FAT1: variants seen among roughly 807,000 people sequenced by gnomAD.
FAT1 encodes FAT atypical cadherin 1, also known as protocadherin Fat 1.
FAT1 carries 171 observed loss-of-function variants against 329.8 expected under a neutral mutation model. The observed-to-expected ratio is 0.52, with a 90% CI of 0.46 to 0.59. The LOEUF (loss-of-function observed/expected upper bound fraction) is 0.59. FAT1 is among the 20% of genes least tolerant of loss of function. FAT1 has a pLI of 0.00. For synonymous variants in FAT1, 2,233 were observed against 2,228.6 expected (o/e 1.00, Z -0.06); for missense variants, 5,672 against 5,774.4 (o/e 0.98, Z 0.57).
Position 186,588,452 on chromosome 4 carries a change from C to T in FAT1, c.*140G>A. Reference sequence around the variant, plus strand: ...GGGACACTGGAAATGGCTAGCACGTCCAGAGGCGCAGGATCCAGCGCAGCC... The same window carrying T: ...GGGACACTGGAAATGGCTAGCACGTTCAGAGGCGCAGGATCCAGCGCAGCC... On this transcript the variant is annotated 3_prime_UTR_variant, in exon 27 of 27. Transcript: ENST00000441802. The T allele has an allele frequency of 1.0e-6, 1 of 999,548 alleles. No individual in the cohort carries two copies. The allele number at this position is 999,548 out of a possible 1,614,324, so 61.9% of individuals were successfully genotyped here. A position where few individuals can be genotyped will look rare whatever the true frequency, so the allele number is the denominator to read the frequency against.
intron 7 of FAT1, among the ~76,000 whole-genome samples, chr4:186,632,861 T>C (rs1740657587): frequency 6.6e-6 from 1 of 152,222 alleles, no homozygotes; most frequent in African/African-American, 2.4e-5. Flanking sequence ...CTTCTTTCTT[T>C]TTCATTTAGG....
In FAT1 at chr4:186,713,470, C is replaced by T. The variant is rs563680488; in HGVS notation, c.-18-3625G>A. Among the ~76,000 whole-genome samples, 6 of 152,224 alleles carry T rather than the reference C, an allele frequency of 3.9e-5. No homozygotes were observed. The South Asian group carries it at 1.2e-3, about 32-fold the overall frequency. ...TATCGATGTTGACGCTGCTCCTGAC[C>T]ACGTGACTGAGGTAGTATCTGCCAG... On this transcript the variant is annotated intron_variant, in intron 1 of 26. Transcript: ENST00000441802.
At chr4:186,604,320 G>A (rs1226151275) in intron 18 of FAT1, 57 bp downstream of exon 18, 1 of 1,427,280 alleles carries the variant, frequency 7.0e-7, no homozygotes, top group Non-Finnish European at 9.6e-7. Context: ...GGGGAACCAC[G>A]CCAAGCAGCT....
At position 186,620,628 on chromosome 4, in the gene FAT1, C is replaced by T. The variant is rs370045952; in HGVS notation, c.5958G>A (p.Ala1986=). Residue 1986 remains alanine (A), a synonymous_variant, in exon 10 of 27, where the codon GCG becomes GCA. Coordinates refer to ENST00000441802, the MANE Select transcript of FAT1 (RefSeq NM_005245.4). The part of the protein sequence containing the change: ...HLKFTQDVYS[A]VVKENSTEAE... ...CCTCGGTGGAATTCTCTTTCACTAC[C>T]GCAGAGTAGACATCCTGGGTAAACT... The T allele has an allele frequency of 1.1e-5, 18 of 1,613,828 alleles. No homozygotes were observed. The highest frequency in any genetic ancestry group is 2.2e-5 in the East Asian group (1 of 44,896).
rs776001272 is a variant in FAT1, at chr4:186,663,502, T to G, written c.3377A>C (p.Tyr1126Ser). The G allele has an allele frequency of 1.2e-6, 2 of 1,613,924 alleles. No homozygotes were observed. The highest frequency in any genetic ancestry group is 2.7e-5 in the African/African-American group (2 of 74,936). ...VVPLSSFIEI[Y>S]IEVEDVNDNA... is the part of the protein sequence containing the mutation. ...GTCATTGACATCCTCAACCTCTATG[T>G]AGATCTCTATGAACGATGAAAGAGG... The change falls in exon 3 of 27, where the codon TAC (tyrosine) becomes TCC (serine). Residue 1126 changes from tyrosine to serine, a missense_variant. Tyr to Ser is a moderately radical substitution (Grantham distance 144). Coordinates refer to ENST00000441802, the MANE Select transcript of FAT1 (RefSeq NM_005245.4).
chr4:186,698,416 C>G (rs997696), intron 2 of FAT1, among the ~76,000 whole-genome samples: 123,476 of 152,178 alleles, frequency 0.81, 50,496 homozygotes, highest in African/African-American at 0.86. Flanking sequence ...CAAAGACTTA[C>G]GTGCGCCCAC....
chr4:186,613,320 G>A lies in FAT1; in HGVS notation c.9252C>T (p.Pro3084=), dbSNP rs1426431013. Residue 3084 remains proline, a synonymous_variant, in exon 13 of 27, where the codon CCC becomes CCT. Transcript: ENST00000441802. ...PDTGELKTST[P]LDREEQAVYH... The stretch of plus-strand genomic sequence containing the variant: ...AAACAGCTTGCTCCTCACGATCAAG[G>A]GGGGTTGACGTTTTCAGTTCACCTA... 3.1e-6 allele frequency: 5 copies of A among 1,613,846 alleles called. No homozygotes were observed. Among genetic ancestry groups the A allele is most frequent in the East Asian group, 2.2e-5 (1 of 44,900 alleles).
In FAT1 at chr4:186,636,567, A is replaced by G. The variant is rs750330276; in HGVS notation, c.3972+18T>C. 7.6e-6 allele frequency: 12 copies of G among 1,577,594 alleles called. No individual in the cohort carries two copies. The highest frequency in any genetic ancestry group is 1.0e-5 in the Non-Finnish European group (12 of 1,162,322). On this transcript the variant is annotated intron_variant, in intron 5 of 26. Transcript: ENST00000441802. ...GTCACAACATATGAAAAATTACAGT[A>G]CTACAATCTTAACTCACTGAAAGAA... is the stretch of plus-strand genomic sequence containing the variant.
intron 2 of FAT1, among the ~76,000 whole-genome samples, chr4:186,672,979 T>C (rs987771642): frequency 6.6e-6 from 1 of 152,172 alleles, no homozygotes; most frequent in Non-Finnish European, 1.5e-5. Flanking sequence ...GGAATGGACT[T>C]ATTATATGAT....
chr4:186,628,309 A>T lies in FAT1; in HGVS notation c.4655T>A (p.Val1552Asp), dbSNP rs1740419599. The change falls in exon 9 of 27, where the codon GTC becomes GAC. Residue 1552 changes from valine to aspartate, a missense_variant. This residue lies in a region of FAT1 where 3,966 missense variants were observed against 3,915.2 expected (regional missense o/e 1.01). Coordinates refer to ENST00000441802, the MANE Select transcript of FAT1 (RefSeq NM_005245.4). Reference sequence around the variant, plus strand: ...CGGGGCGTGGTCATTCGTGTCGCTGACATTGACCACAATCCTTGCAAAGTT... The same window carrying T: ...CGGGGCGTGGTCATTCGTGTCGCTGTCATTGACCACAATCCTTGCAAAGTT... Reference protein sequence around the residue: ...KRNFARIVVNVSDTNDHAPWF... With the variant: ...KRNFARIVVNDSDTNDHAPWF... The T allele has an allele frequency of 6.2e-7, 1 of 1,613,480 alleles. No homozygotes were observed. Among genetic ancestry groups the T allele is most frequent in the Non-Finnish European group, 8.5e-7 (1 of 1,179,730 alleles).
intron 26 of FAT1, among the ~76,000 whole-genome samples, chr4:186,591,317 G>A (rs1738229254): frequency 6.6e-6 from 1 of 152,092 alleles, no homozygotes; most frequent in Non-Finnish European, 1.5e-5. Context: ...TTATAATTTG[G>A]GACAAATATT....
At chr4:186,624,499 T>G (rs78059580) in intron 9 of FAT1, among the ~76,000 whole-genome samples, 6,534 of 152,238 alleles carry the variant, frequency 0.043, 313 homozygotes, top group East Asian at 0.18. Flanking sequence ...GGTATTAAAA[T>G]GGTTTAGAAG....
chr4:186,604,102 C>T, intron 18 of FAT1, 125 bp from the exon 19 acceptor site: 1 of 759,294 alleles, frequency 1.3e-6, no homozygotes, highest in Non-Finnish European at 2.1e-6. Context: ...TTTCTCCACA[C>T]AAGAAACGTA....
chr4:186,662,907 G>A (rs1265851314), intron 3 of FAT1, among the ~76,000 whole-genome samples: 8 of 152,020 alleles, frequency 5.3e-5, no homozygotes, highest in Non-Finnish European at 1.5e-5. Flanking sequence ...CACCATCTCG[G>A]CTCACTGCAA....
chr4:186,599,919 A>C lies in FAT1; in HGVS notation c.12082T>G (p.Cys4028Gly), dbSNP rs770538497. The change falls in exon 22 of 27, where the codon TGC becomes GGC. Residue 4028 changes from cysteine to glycine, a missense_variant. By Grantham distance (159) the Cys-to-Gly change is radical (BLOSUM62 -3). This residue lies in a region of FAT1 where 1,706 missense variants were observed against 1,859.1 expected (regional missense o/e 0.92). Coordinates refer to ENST00000441802, the MANE Select transcript of FAT1 (RefSeq NM_005245.4). ...ASNPCQNGGV[C>G]NPSPAGGYYC... ...CCACCTCCAGCAGGTGACGGATTGCAAACGCCTCCATTCTGGCAAGGGTTG... is the reference window on the plus strand; with the variant it reads ...CCACCTCCAGCAGGTGACGGATTGCCAACGCCTCCATTCTGGCAAGGGTTG... The C allele has an allele frequency of 5.0e-6, 8 of 1,611,818 alleles. No homozygotes were observed. The Admixed American group carries it at 1.3e-4, about 27-fold the overall frequency.
rs2126692481 is a variant in FAT1 at position 186,707,930 on chromosome 4, C to G, written c.1898G>C (p.Gly633Ala). The G allele has an allele frequency of 3.1e-6, 5 of 1,613,960 alleles. No homozygotes were observed. Among genetic ancestry groups the G allele is most frequent in the Non-Finnish European group, 4.2e-6 (5 of 1,179,892 alleles). Reference protein sequence around the residue: ...VLSLKRSLMDGLGAKVSFHSL... With the variant: ...VLSLKRSLMDALGAKVSFHSL... ...GTGGAAAGACACCTTTGCACCTAAG[C>G]CATCCATTAGCGATCGCTTTAATGA... Residue 633 changes from glycine to alanine, a missense_variant, in exon 2 of 27, where the codon GGC (glycine) becomes GCC (alanine). Gly to Ala is a moderately conservative substitution (Grantham distance 60). Coordinates refer to ENST00000441802, the MANE Select transcript of FAT1 (RefSeq NM_005245.4).
rs2126506902 is a variant in FAT1, at chr4:186,619,567, C to G, written c.7019G>C (p.Gly2340Ala). The change falls in exon 10 of 27, where the codon GGC becomes GCC. Residue 2340 changes from glycine (G) to alanine (A), a missense_variant. This residue lies in a region of FAT1 where 3,966 missense variants were observed against 3,915.2 expected (regional missense o/e 1.01). Transcript: ENST00000441802. ...CAGGGTTCTGAGTAGTGAGATGAGG[C>G]CAGTGCTGCTGTCTACATGAAAATG... Reference protein sequence around the residue: ...HDHFHVDSSTGLISLLRTLDY... With the variant: ...HDHFHVDSSTALISLLRTLDY... The G allele has an allele frequency of 6.2e-7, 1 of 1,613,880 alleles. No individual in the cohort carries two copies. Among genetic ancestry groups the G allele is most frequent in the Non-Finnish European group, 8.5e-7 (1 of 1,179,884 alleles).
rs2126544894 is a variant in FAT1, at chr4:186,628,663, A to T, written c.4424T>A (p.Ile1475Asn). The change falls in exon 8 of 27, where the codon ATT becomes AAT. Residue 1475 changes from isoleucine (I) to asparagine (N), a missense_variant. By Grantham distance (149) the Ile-to-Asn change is moderately radical. Around this residue, in one of 2 missense-constraint regions of FAT1, gnomAD observed 3,966 missense variants for 3,915.2 expected, o/e 1.01. Transcript: ENST00000441802. ...CTGATCCACAGCACTGATTTGCAAA[A>T]TTTCTGTTTCTGGCGCTGTATCTTC... ...IPEDTAPETEILQISAVDQDE... is the reference protein window; with the variant it reads ...IPEDTAPETENLQISAVDQDE... 6.2e-7 allele frequency: 1 copy of T among 1,613,952 alleles called. No homozygotes were observed. The highest frequency in any genetic ancestry group is 8.5e-7 in the Non-Finnish European group (1 of 1,179,888).
intron 4 of FAT1, among the ~76,000 whole-genome samples, chr4:186,638,739 C>G (rs561453915): frequency 7.8e-4 from 119 of 152,184 alleles, no homozygotes; most frequent in African/African-American, 2.8e-3. Flanking sequence ...GCATTATAAA[C>G]AGCAATATTA....
Sources: gnomAD v4.1 joint callset for allele counts (sites outside exome capture counted in the v4.1 genomes callset) on GRCh38, gnomAD v4.1.1 for gene constraint, gnomAD v4.1.1 regional missense constraint, MANE v1.5 for transcripts, NCBI Gene and HGNC (gene_info 2026-07-23, HGNC 2026-07-21) for gene names.